The following LNX1 variants were observed in gnomAD, a reference collection of about 807,000 sequenced individuals.
LNX1 encodes ligand of numb-protein X 1.
LNX1 carries 54 observed loss-of-function variants against 68.4 expected under a neutral mutation model. The ratio of observed to expected loss-of-function variants is 0.79; its 90% CI spans 0.63 to 0.99. The LOEUF (loss-of-function observed/expected upper bound fraction) is 0.99, where lower values mean the gene tolerates loss of function less well. Among genes scored for constraint, LNX1 ranks in the 50% least tolerant of loss-of-function variants. The pLI is 0.00. For missense variants in LNX1, 906 were observed against 926.4 expected (o/e 0.98, Z 0.29); for synonymous variants, 336 against 350.0 (o/e 0.96, Z 0.45).
chr4:53,604,273 CATA>C lies in LNX1; in HGVS notation c.-215+12241_-215+12243del, dbSNP rs148182335. 6.8e-4 allele frequency among the ~76,000 whole-genome samples: 104 copies of C among 152,264 alleles called. 1 individual carries two copies. Among genetic ancestry groups the C allele is most frequent in the Non-Finnish European group, 9.9e-4 (67 of 68,020 alleles). ...AGCTTGTATATTCATTTATCACAAG[CATA>C]ATATGTTCTCCTTAAGCTGGATAGA... On this transcript the variant is annotated intron_variant, in intron 2 of 3. Coordinates refer to the LNX1 transcript ENST00000504299.
At chr4:53,493,215 C>A (rs145775437) in intron 6 of LNX1, among the ~76,000 whole-genome samples, 1 of 152,144 alleles carries the variant, frequency 6.6e-6, no homozygotes, top group African/African-American at 2.4e-5. Context: ...GATCTGCCTG[C>A]CTCGGCCTCC....
chr4:53,479,433 G>T (rs1446870134), intron 7 of LNX1, among the ~76,000 whole-genome samples: 2 of 152,218 alleles, frequency 1.3e-5, no homozygotes, highest in Non-Finnish European at 2.9e-5. Context: ...TGAGGGGCTG[G>T]ATGCAATGGC....
intron 1 of LNX1, among the ~76,000 whole-genome samples, chr4:53,583,168 A>C (rs2109802623): frequency 6.6e-6 from 1 of 152,354 alleles, no homozygotes; most frequent in African/African-American, 2.4e-5. Flanking sequence ...AATTTTATAA[A>C]GGCCAATTGT....
Position 53,489,893 on chromosome 4 carries a change from T to TA in LNX1, c.1350+6129dup, listed in dbSNP as rs575347909. ...TTCCAGATTAAGTGTACTGATCTGT[T>TA]AAAAAAAAAATACAGATCTATCAGC... On this transcript the variant is annotated intron_variant, in intron 6 of 10. Coordinates refer to ENST00000263925, the MANE Select transcript of LNX1 (RefSeq NM_001126328.3). Among the ~76,000 whole-genome samples the TA allele has an allele frequency of 3.2e-3, 473 of 149,526 alleles. 2 individuals carry two copies. Among genetic ancestry groups the TA allele is most frequent in the Non-Finnish European group, 3.6e-3 (240 of 67,152 alleles).
At chr4:53,567,231 CCA>C (rs1730762316) in intron 2 of LNX1, among the ~76,000 whole-genome samples, 1 of 145,674 alleles carries the variant, frequency 6.9e-6, no homozygotes, top group Non-Finnish European at 1.5e-5. Flanking sequence ...CCAAAATTGA[CCA>C]CATAGTTGGA....
chr4:53,526,690 C>A (rs1727634161), intron 2 of LNX1, among the ~76,000 whole-genome samples: 1 of 151,798 alleles, frequency 6.6e-6, no homozygotes, highest in Non-Finnish European at 1.5e-5. Context: ...TCTGCCTTCA[C>A]AACCCAGCTT....
intron 2 of LNX1, among the ~76,000 whole-genome samples, chr4:53,540,258 C>G (rs906774676): frequency 2.0e-5 from 3 of 152,086 alleles, no homozygotes; most frequent in Non-Finnish European, 4.4e-5. Flanking sequence ...GGGCGTGCAC[C>G]TGTAGTCCCA....
intron 9 of LNX1, among the ~76,000 whole-genome samples, chr4:53,470,617 A>G (rs569701331): frequency 2.0e-5 from 3 of 152,230 alleles, no homozygotes; most frequent in Admixed American, 6.5e-5. Context: ...AAATCTCCTT[A>G]AGCTGATAAG....
intron 9 of LNX1, among the ~76,000 whole-genome samples, chr4:53,472,742 G>C (rs1210087271): frequency 2.8e-5 from 4 of 143,576 alleles, no homozygotes; most frequent in African/African-American, 1.0e-4. Flanking sequence ...CAATATAATT[G>C]ATGAACGTGA....
chr4:53,563,649 C>T (rs1454523446), intron 2 of LNX1, among the ~76,000 whole-genome samples: 7 of 152,102 alleles, frequency 4.6e-5, no homozygotes, highest in Non-Finnish European at 8.8e-5. Context: ...ATTCTCCTGC[C>T]TCAGCCTCCC....
intron 1 of LNX1, among the ~76,000 whole-genome samples, chr4:53,581,130 G>A (rs1457522735): frequency 6.6e-6 from 1 of 152,088 alleles, no homozygotes; most frequent in African/African-American, 2.4e-5. Context: ...AAAAAGGAAA[G>A]TATCCAAGGA....
intron 6 of LNX1, among the ~76,000 whole-genome samples, chr4:53,487,366 C>T (rs1248246163): frequency 3.3e-5 from 5 of 152,210 alleles, no homozygotes; most frequent in Non-Finnish European, 5.9e-5. Context: ...AAGCCAAATG[C>T]ATGATAACAT....
chr4:53,508,899 G>C (rs1726120018), intron 2 of LNX1, among the ~76,000 whole-genome samples: 1 of 151,450 alleles, frequency 6.6e-6, no homozygotes. Flanking sequence ...GTGGTTTTTA[G>C]CAAAAACATA....
intron 2 of LNX1, among the ~76,000 whole-genome samples, chr4:53,541,246 A>C (rs1303603314): frequency 6.6e-6 from 1 of 152,200 alleles, no homozygotes; most frequent in African/African-American, 2.4e-5. Context: ...GTAACAACCA[A>C]GTTAGGATAC....
chr4:53,489,152 T>C (rs1255746104), intron 6 of LNX1, among the ~76,000 whole-genome samples: 2 of 152,196 alleles, frequency 1.3e-5, no homozygotes, highest in Admixed American at 6.5e-5. Flanking sequence ...TATCTCATGC[T>C]GAAGAGGTGG....
At chr4:53,650,774 G>C (rs1735070028) in intron 1 of LNX1, among the ~76,000 whole-genome samples, 2 of 151,944 alleles carry the variant, frequency 1.3e-5, no homozygotes, top group Non-Finnish European at 2.9e-5. Context: ...CATGGTTCCA[G>C]AGCATGCATC....
At chr4:53,615,919 C>G (rs765593958) in intron 2 of LNX1, among the ~76,000 whole-genome samples, 112 of 152,154 alleles carry the variant, frequency 7.4e-4, no homozygotes, top group Non-Finnish European at 1.5e-3. Context: ...TCCAATCATA[C>G]TATTCTAGTT....
chr4:53,581,350 T>C (rs1731824496), intron 1 of LNX1, among the ~76,000 whole-genome samples: 1 of 152,358 alleles, frequency 6.6e-6, no homozygotes, highest in East Asian at 1.9e-4. Flanking sequence ...ATTTTATTTA[T>C]TCTCCAAACA....
intron 2 of LNX1, among the ~76,000 whole-genome samples, chr4:53,540,329 G>C (rs1728663437): frequency 6.6e-6 from 1 of 152,134 alleles, no homozygotes; most frequent in South Asian, 2.1e-4. Flanking sequence ...GCTGCAGTAA[G>C]TCATGACTCC....
Sources: allele counts gnomAD v4.1 joint callset (sites outside exome capture counted in the v4.1 genomes callset), GRCh38; gene constraint gnomAD v4.1.1; transcripts MANE v1.5; gene names NCBI Gene and HGNC (gene_info 2026-07-23, HGNC 2026-07-21).